The following GALNT13 variants were observed in gnomAD, a reference collection of about 807,000 sequenced individuals.
GALNT13 encodes the protein UDP-GalNAc:polypeptide N-acetylgalactosaminyltransferase 13.
In GALNT13, 28 loss-of-function variants were observed where a neutral mutation model predicts 64.2. The observed-to-expected ratio is 0.44, with a 90% CI of 0.32 to 0.60. GALNT13 has a LOEUF of 0.60. GALNT13 is among the 20% of genes least tolerant of loss of function. The probability of loss-of-function intolerance (pLI) is 0.05; values close to 1 mark genes in which losing one functional copy is unlikely to be tolerated. For synonymous variants in GALNT13, 214 were observed against 224.6 expected (o/e 0.95, Z 0.42); for missense variants, 577 against 669.8 (o/e 0.86, Z 1.53).
chr2:153,787,431 T>C, the GALNT13 span, among the ~76,000 whole-genome samples: 6 of 152,084 alleles, frequency 3.9e-5, no homozygotes, highest in Non-Finnish European at 1.5e-5. Context: ...ATTCAGAAAA[T>C]AAGCCTACTG....
At chr2:154,258,177 A>G (rs142049230) in intron 7 of GALNT13, among the ~76,000 whole-genome samples, 2 of 152,284 alleles carry the variant, frequency 1.3e-5, no homozygotes, top group Non-Finnish European at 2.9e-5. Flanking sequence ...CACTGCTTTT[A>G]TATGGAAAGA....
the GALNT13 span, among the ~76,000 whole-genome samples, chr2:153,103,230 T>A: frequency 1.3e-5 from 2 of 152,194 alleles, no homozygotes; most frequent in Admixed American, 6.5e-5. Flanking sequence ...CCTCAACCTT[T>A]CTGTGCTGCA....
the GALNT13 span, among the ~76,000 whole-genome samples, chr2:153,557,113 T>G: frequency 6.6e-6 from 1 of 152,200 alleles, no homozygotes; most frequent in African/African-American, 2.4e-5. Context: ...TATATGATGG[T>G]GGTCCCATAA....
chr2:154,269,432 G>T (rs1330426741), intron 8 of GALNT13, among the ~76,000 whole-genome samples: 2 of 144,572 alleles, frequency 1.4e-5, no homozygotes, highest in Admixed American at 6.9e-5. Flanking sequence ...AACTTGACTG[G>T]TTTTTTTTTT....
chr2:153,887,136 C>G (rs921708200), intron 1 of GALNT13, among the ~76,000 whole-genome samples: 2 of 151,828 alleles, frequency 1.3e-5, no homozygotes, highest in African/African-American at 4.8e-5. Flanking sequence ...CTTTACATAA[C>G]ATTAACTCAT....
At chr2:154,352,679 C>T (rs1696479414) in intron 9 of GALNT13, among the ~76,000 whole-genome samples, 1 of 152,204 alleles carries the variant, frequency 6.6e-6, no homozygotes, top group African/African-American at 2.4e-5. Flanking sequence ...TCTTCTTATA[C>T]TGTGGTCAAT....
the GALNT13 span, among the ~76,000 whole-genome samples, chr2:153,230,745 T>G: frequency 6.6e-6 from 1 of 152,194 alleles, no homozygotes; most frequent in African/African-American, 2.4e-5. Flanking sequence ...CGCTTTCATG[T>G]CCTCTTTATT....
intron 3 of GALNT13, among the ~76,000 whole-genome samples, chr2:154,092,180 C>G (rs761296901): frequency 5.3e-5 from 8 of 151,498 alleles, no homozygotes; most frequent in Non-Finnish European, 1.2e-4. Context: ...GCTGCTCAGG[C>G]CTATGAGTCC....
the GALNT13 span, among the ~76,000 whole-genome samples, chr2:153,097,080 T>C: frequency 6.6e-6 from 1 of 152,172 alleles, no homozygotes; most frequent in African/African-American, 2.4e-5. Context: ...GCTAATACTA[T>C]TTTATAACCT....
chr2:154,411,084 C>T (rs1490912883), intron 11 of GALNT13, among the ~76,000 whole-genome samples: 2 of 151,748 alleles, frequency 1.3e-5, no homozygotes, highest in Non-Finnish European at 2.9e-5. Context: ...ATTGCCAGAA[C>T]AGTAGATTTG....
intron 9 of GALNT13, among the ~76,000 whole-genome samples, chr2:154,338,219 G>C (rs1695561206): frequency 6.6e-6 from 1 of 152,118 alleles, no homozygotes; most frequent in Non-Finnish European, 1.5e-5. Context: ...AGTAGAAGCT[G>C]AGTTAATTCC....
chr2:153,191,637 A>G, the GALNT13 span, among the ~76,000 whole-genome samples: 1 of 151,456 alleles, frequency 6.6e-6, no homozygotes, highest in Non-Finnish European at 1.5e-5. Flanking sequence ...TTTGAGGAGC[A>G]TTGGTACTTG....
At chr2:153,255,380 T>C in the GALNT13 span, among the ~76,000 whole-genome samples, 3 of 129,416 alleles carry the variant, frequency 2.3e-5, no homozygotes, top group Non-Finnish European at 4.9e-5. Context: ...CGTGAGATGG[T>C]TTTCCTGAAT....
intron 4 of GALNT13, among the ~76,000 whole-genome samples, chr2:154,212,215 G>C (rs1270806998): frequency 6.6e-6 from 1 of 151,990 alleles, no homozygotes; most frequent in Admixed American, 6.6e-5. Context: ...GGGTGCAGGG[G>C]GTAGGGGGTA....
the GALNT13 span, among the ~76,000 whole-genome samples, chr2:153,671,666 G>A: frequency 2.6e-5 from 4 of 152,102 alleles, no homozygotes; most frequent in African/African-American, 7.2e-5. Context: ...TAAACAGCTA[G>A]CATCATAATG....
chr2:153,526,797 C>T, the GALNT13 span, among the ~76,000 whole-genome samples: 3 of 151,970 alleles, frequency 2.0e-5, 1 homozygote, highest in East Asian at 3.9e-4. Flanking sequence ...TTCAAGATAA[C>T]ACAGAGAAGG....
At chr2:153,832,732 C>G in the GALNT13 span, among the ~76,000 whole-genome samples, 1 of 151,998 alleles carries the variant, frequency 6.6e-6, no homozygotes, top group Non-Finnish European at 1.5e-5. Context: ...ATTTTGGGTA[C>G]CTAGTTATGT....
At chr2:153,899,720 A>C (rs2105288832) in intron 1 of GALNT13, among the ~76,000 whole-genome samples, 1 of 152,134 alleles carries the variant, frequency 6.6e-6, no homozygotes, top group African/African-American at 2.4e-5. Context: ...CAAAAGCACA[A>C]CCTCTGTATT....
the GALNT13 span, among the ~76,000 whole-genome samples, chr2:153,556,679 A>G: frequency 6.6e-6 from 1 of 152,202 alleles, no homozygotes; most frequent in African/African-American, 2.4e-5. Flanking sequence ...AGCCTGGTAG[A>G]AAAGAGGGAA....
Sources: gnomAD v4.1 joint callset for allele counts (sites outside exome capture counted in the v4.1 genomes callset) on GRCh38, gnomAD v4.1.1 for gene constraint, MANE v1.5 for transcripts, NCBI Gene and HGNC (gene_info 2026-07-23, HGNC 2026-07-21) for gene names.